CAPZA2: variants seen among roughly 807,000 people sequenced by gnomAD.
CAPZA2 encodes capping actin protein of muscle Z-line subunit alpha 2, also known as F-actin-capping protein subunit alpha-2.
In CAPZA2, 13 loss-of-function variants were observed where a neutral mutation model predicts 44.0. The ratio of observed to expected loss-of-function variants is 0.30; its 90% CI spans 0.19 to 0.47. The LOEUF (loss-of-function observed/expected upper bound fraction) is 0.47. Among genes scored for constraint, CAPZA2 ranks in the 20% least tolerant of loss-of-function variants. The pLI, the probability that CAPZA2 is intolerant of heterozygous loss-of-function variation, is 1.00. For missense variants in CAPZA2, 244 were observed against 338.6 expected, an observed-to-expected ratio of 0.72 and a Z score of 2.19; for synonymous variants, 94 against 108.2, an observed-to-expected ratio of 0.87 and a Z score of 0.81.
At chr7:116,880,588 T>G (rs9791495) in intron 1 of CAPZA2, among the ~76,000 whole-genome samples, 105,727 of 150,894 alleles carry the variant, frequency 0.7, 37,091 homozygotes, top group East Asian at 0.84. Context: ...GTAGAAACGG[T>G]TTTTTACCGT....
chr7:116,880,529 C>T (rs1409295177), intron 1 of CAPZA2, among the ~76,000 whole-genome samples: 1 of 151,546 alleles, frequency 6.6e-6, no homozygotes, highest in Non-Finnish European at 1.5e-5. Flanking sequence ...TCCCAAGTAG[C>T]TGGGATTACA....
chr7:116,916,204 A>T, intron 9 of CAPZA2, 82 bp downstream of exon 9: 1 of 1,365,814 alleles, frequency 7.3e-7, no homozygotes, highest in Non-Finnish European at 9.7e-7. Context: ...CAAAGGCTGA[A>T]TTTTTCCATT....
chr7:116,891,302 C>T (rs1219426464), intron 2 of CAPZA2, among the ~76,000 whole-genome samples: 2 of 152,078 alleles, frequency 1.3e-5, no homozygotes, highest in Non-Finnish European at 1.5e-5. Flanking sequence ...GGCATACTGT[C>T]CATGCAATAT....
At chr7:116,880,321 T>C (rs1051655344) in intron 1 of CAPZA2, among the ~76,000 whole-genome samples, 2 of 152,220 alleles carry the variant, frequency 1.3e-5, no homozygotes, top group African/African-American at 4.8e-5. Context: ...AATCCTCTAT[T>C]TAATCCAGAA....
At chr7:116,899,073 G>A (rs1796963284) in intron 4 of CAPZA2, among the ~76,000 whole-genome samples, 1 of 152,028 alleles carries the variant, frequency 6.6e-6, no homozygotes, top group Non-Finnish European at 1.5e-5. Flanking sequence ...AATGATTACT[G>A]TAAATCTACT....
At chr7:116,891,152 G>T (rs1286383876) in intron 2 of CAPZA2, among the ~76,000 whole-genome samples, 1 of 152,134 alleles carries the variant, frequency 6.6e-6, no homozygotes, top group Admixed American at 6.5e-5. Flanking sequence ...TTCTTTAAGA[G>T]AAATATTTTA....
Position 116,917,898 on chromosome 7 carries a change from T to G in CAPZA2, c.*31T>G, listed in dbSNP as rs767161651. 1 of 1,584,190 alleles carries G rather than the reference T, an allele frequency of 6.3e-7. No homozygotes were observed. Among genetic ancestry groups the G allele is most frequent in the African/African-American group, 1.3e-5 (1 of 74,572 alleles). On this transcript the variant is annotated 3_prime_UTR_variant, in exon 10 of 10. Transcript: ENST00000361183. ...ACATTGCATGACCGGATCATTTTAG[T>G]GTCTTTGCGTTAAAAAATCATTGCA...
At chr7:116,884,601 G>T (rs1189851175) in intron 1 of CAPZA2, among the ~76,000 whole-genome samples, 1 of 152,158 alleles carries the variant, frequency 6.6e-6, no homozygotes, top group Admixed American at 6.5e-5. Context: ...TTAATGGTTT[G>T]TTCGTTTTTA....
chr7:116,867,200 A>G (rs1270638078), intron 1 of CAPZA2, among the ~76,000 whole-genome samples: 1 of 152,252 alleles, frequency 6.6e-6, no homozygotes, highest in African/African-American at 2.4e-5. Context: ...ACAAAATTTC[A>G]CTGTACAAAC....
rs1791722197 is a variant in CAPZA2 at position 116,918,902 on chromosome 7, A to AT, written c.*1039dup. ...TATGCATCATAAGCATGTTTGTAATATTTTCAAAAATAGTTCTACTGATGC... is the reference window on the plus strand; with the variant it reads ...TATGCATCATAAGCATGTTTGTAATATTTTTCAAAAATAGTTCTACTGATGC... On this transcript the variant is annotated 3_prime_UTR_variant, in exon 10 of 10. Coordinates refer to ENST00000361183, the MANE Select transcript of CAPZA2 (RefSeq NM_006136.3). The AT allele has an allele frequency of 6.6e-6, 1 of 152,098 alleles. No homozygotes were observed. The highest frequency in any genetic ancestry group is 6.5e-5 in the Admixed American group (1 of 15,268). The allele number at this position is 152,098 out of a possible 1,614,324, so 9.4% of individuals were successfully genotyped here. A position where few individuals can be genotyped will look rare whatever the true frequency, so the allele number is the denominator to read the frequency against.
rs1247973836 is a variant in CAPZA2 at position 116,920,363 on chromosome 7, A to T, written c.*2496A>T. 6.6e-6 allele frequency: 1 copy of T among 152,246 alleles called. No individual in the cohort carries two copies. Among genetic ancestry groups the T allele is most frequent in the African/African-American group, 2.4e-5 (1 of 41,464 alleles). 9.4% of individuals were successfully genotyped at this position (152,246 alleles called of 1,614,324 possible). A position where few individuals can be genotyped will look rare whatever the true frequency, so the allele number is the denominator to read the frequency against. On this transcript the variant is annotated 3_prime_UTR_variant, in exon 10 of 10. Coordinates refer to ENST00000361183, the MANE Select transcript of CAPZA2 (RefSeq NM_006136.3). The stretch of plus-strand genomic sequence containing the variant: ...AGGAGACATTATGGCTGCTTTGCTG[A>T]GTAGGCTGAAGTGTGGTGGCAAAGG...
chr7:116,903,233 A>AGAGTGTGTGTGTGT lies in CAPZA2; in HGVS notation c.220-943_220-942insAGTGTGTGTGTGTG, dbSNP rs372696249. Among the ~76,000 whole-genome samples, 96 of 146,438 alleles carry AGAGTGTGTGTGTGT rather than the reference A, an allele frequency of 6.6e-4. 2 individuals are homozygous for AGAGTGTGTGTGTGT. The highest frequency in any genetic ancestry group is 2.1e-3 in the African/African-American group (83 of 40,050). On this transcript the variant is annotated intron_variant, in intron 4 of 9. Transcript: ENST00000361183. ...TTGAAAGAAGCCAGATGCAGAGAAG[A>AGAGTGTGTGTGTGT]GTGTGTGTGTGTGTGTGTGTGTGTG...
rs1036820678 is a variant in CAPZA2, at chr7:116,900,675, A to T, written c.219+1840A>T. ...ACAAAAGCAAAAACTGACACATGGG[A>T]TATAATTAAAGAGCTTCTGCACAGC... On this transcript the variant is annotated intron_variant, in intron 4 of 9. Transcript: ENST00000361183. Among the ~76,000 whole-genome samples the T allele has an allele frequency of 7.2e-5, 11 of 152,234 alleles. No homozygotes were observed. The South Asian group carries it at 1.9e-3, about 26-fold the overall frequency.
intron 1 of CAPZA2, among the ~76,000 whole-genome samples, chr7:116,863,604 G>A (rs1245600531): frequency 6.6e-6 from 1 of 152,136 alleles, no homozygotes; most frequent in African/African-American, 2.4e-5. Context: ...TCCCATTCCC[G>A]AGGGTGGTGG....
chr7:116,917,066 A>G (rs1259220840), intron 9 of CAPZA2, among the ~76,000 whole-genome samples: 2 of 152,068 alleles, frequency 1.3e-5, no homozygotes, highest in Non-Finnish European at 2.9e-5. Flanking sequence ...ACACTCTTGA[A>G]TTGAACCATT....
chr7:116,891,669 G>A (rs1419518847), intron 2 of CAPZA2, among the ~76,000 whole-genome samples: 4 of 151,876 alleles, frequency 2.6e-5, no homozygotes, highest in South Asian at 2.1e-4. Context: ...CCGCCACCAC[G>A]CCCGGCTAGT....
Position 116,865,464 on chromosome 7 carries a change from G to T in CAPZA2, c.39+2814G>T, listed in dbSNP as rs185918269. 2.9e-4 allele frequency among the ~76,000 whole-genome samples: 44 copies of T among 152,246 alleles called. No individual in the cohort carries two copies. The East Asian group carries it at 7.1e-3, about 25-fold the overall frequency. ...GCCTCCCAAAGTGCTGGGATTACAGGCGTGAGCCACCATGCCCAGCAGACA... is the reference window on the plus strand; with the variant it reads ...GCCTCCCAAAGTGCTGGGATTACAGTCGTGAGCCACCATGCCCAGCAGACA... On this transcript the variant is annotated intron_variant, in intron 1 of 9. Transcript: ENST00000361183.
At chr7:116,907,738 C>A (rs1791536119) in intron 6 of CAPZA2, among the ~76,000 whole-genome samples, 1 of 152,134 alleles carries the variant, frequency 6.6e-6, no homozygotes, top group South Asian at 2.1e-4. Flanking sequence ...GCCTCCGGTT[C>A]CCAAGTAGCT....
intron 7 of CAPZA2, among the ~76,000 whole-genome samples, chr7:116,911,846 A>T (rs1239601905): frequency 1.3e-5 from 2 of 152,210 alleles, no homozygotes; most frequent in Non-Finnish European, 2.9e-5. Context: ...CAGTCAGGTC[A>T]ATAGAAGGCT....
Sources: gnomAD v4.1 joint callset for allele counts (sites outside exome capture counted in the v4.1 genomes callset) on GRCh38, gnomAD v4.1.1 for gene constraint, MANE v1.5 for transcripts, NCBI Gene and HGNC (gene_info 2026-07-23, HGNC 2026-07-21) for gene names.